DNAJC11: variants seen among roughly 807,000 people sequenced by gnomAD.
DNAJC11 encodes the protein dnaJ homolog subfamily C member 11.
A neutral mutation model predicts 78.6 loss-of-function variants in DNAJC11; 15 were observed. The ratio of observed to expected loss-of-function variants is 0.19; its 90% confidence interval spans 0.13 to 0.29. DNAJC11 has a LOEUF of 0.29. Ranked by LOEUF, DNAJC11 falls within the 10% of genes least tolerant of loss-of-function variation. DNAJC11 has a pLI of 1.00. For synonymous variants in DNAJC11, 292 were observed against 272.1 expected, an observed-to-expected ratio of 1.07 and a Z score of -0.72; for missense variants, 547 against 709.6, an observed-to-expected ratio of 0.77 and a Z score of 2.60.
intron 1 of DNAJC11, among the ~76,000 whole-genome samples, chr1:6,695,159 AAAAT>A (rs57818178): frequency 0.42 from 50,085 of 120,574 alleles, 9,804 homozygotes; most frequent in African/African-American, 0.54. Context: ...AAAAAAAAAA[AAAAT>A]TTTTTTTTTT....
intron 7 of DNAJC11, 79 bp downstream of exon 7, chr1:6,651,450 G>T: frequency 7.9e-7 from 1 of 1,271,264 alleles, no homozygotes; most frequent in Non-Finnish European, 1.1e-6. Flanking sequence ...GCCAACCACT[G>T]TGATAAAAAG....
intron 3 of DNAJC11, among the ~76,000 whole-genome samples, chr1:6,676,630 T>A (rs975408934): frequency 6.6e-6 from 1 of 151,948 alleles, no homozygotes; most frequent in African/African-American, 2.4e-5. Flanking sequence ...CAGTGAGCCA[T>A]GATGGCACCA....
At chr1:6,644,138 T>A (rs192143585) in intron 10 of DNAJC11, among the ~76,000 whole-genome samples, 1 of 151,954 alleles carries the variant, frequency 6.6e-6, no homozygotes, top group Non-Finnish European at 1.5e-5. Context: ...ATTTTTTTTT[T>A]TATATTTTTT....
chr1:6,699,602 T>C (rs552881782), intron 1 of DNAJC11, among the ~76,000 whole-genome samples: 21 of 152,136 alleles, frequency 1.4e-4, no homozygotes, highest in Non-Finnish European at 2.8e-4. Flanking sequence ...ACATCTTCAT[T>C]TAAAGGGAAA....
intron 1 of DNAJC11, among the ~76,000 whole-genome samples, chr1:6,683,830 A>T (rs1017153800): frequency 2.0e-5 from 3 of 152,196 alleles, no homozygotes; most frequent in Non-Finnish European, 2.9e-5. Flanking sequence ...ATAAAAATAC[A>T]AGGTTCTCTA....
intron 1 of DNAJC11, among the ~76,000 whole-genome samples, chr1:6,699,878 T>A (rs1217479595): frequency 6.6e-6 from 1 of 152,202 alleles, no homozygotes; most frequent in Non-Finnish European, 1.5e-5. Context: ...CACTGGACAT[T>A]CTCATAGTAC....
rs748264761 is a variant in DNAJC11, at chr1:6,634,784, C to T, written c.*891G>A. ...GCAGGAGCGGGGAGCTGCAGTGCCACCTGCTGGGTACCACGGGCCGGGCCT... is the reference window on the plus strand; with the variant it reads ...GCAGGAGCGGGGAGCTGCAGTGCCATCTGCTGGGTACCACGGGCCGGGCCT... On this transcript the variant is annotated 3_prime_UTR_variant, in exon 16 of 16. Coordinates refer to ENST00000377577, the MANE Select transcript of DNAJC11 (RefSeq NM_018198.4). 35 of 1,315,588 alleles carry T rather than the reference C, an allele frequency of 2.7e-5. 1 individual carries two copies. The Admixed American group carries it at 5.3e-4, about 20-fold the overall frequency. 81.5% of individuals were successfully genotyped at this position (1,315,588 alleles called of 1,614,324 possible).
chr1:6,635,477 G>A lies in DNAJC11; in HGVS notation c.*198C>T, dbSNP rs977865703. The A allele has an allele frequency of 6.9e-6, 4 of 580,478 alleles. No individual in the cohort carries two copies. The African/African-American group carries it at 7.5e-5, about 11-fold the overall frequency. 36.0% of individuals were successfully genotyped at this position (580,478 alleles called of 1,614,324 possible). A position where few individuals can be genotyped will look rare whatever the true frequency, so the allele number is the denominator to read the frequency against. ...CAGGCTGCAGTCTGGTTCCCAGTGG[G>A]GCTGCCTCAGTCCTACCCCCAGCAC... On this transcript the variant is annotated 3_prime_UTR_variant, in exon 16 of 16. Transcript: ENST00000377577.
At chr1:6,637,560 G>A (rs1340936097) in intron 12 of DNAJC11, 56 bp from the exon 13 acceptor site, 3 of 1,597,166 alleles carry the variant, frequency 1.9e-6, no homozygotes, top group Admixed American at 3.3e-5. Context: ...TTCCACCTCT[G>A]GTGAGAGGGC....
At chr1:6,690,078 G>A (rs1304719053) in intron 1 of DNAJC11, among the ~76,000 whole-genome samples, 1 of 152,146 alleles carries the variant, frequency 6.6e-6, no homozygotes, top group Non-Finnish European at 1.5e-5. Context: ...AGATGGAGGA[G>A]GAGTTTATTT....
At chr1:6,660,012 C>T (rs112952922) in intron 4 of DNAJC11, among the ~76,000 whole-genome samples, 156 of 145,898 alleles carry the variant, frequency 1.1e-3, no homozygotes, top group African/African-American at 3.7e-3. Context: ...GCCGAGATTG[C>T]GCCACTGCAC....
intron 3 of DNAJC11, among the ~76,000 whole-genome samples, chr1:6,676,216 G>A (rs1642460100): frequency 1.3e-5 from 2 of 152,094 alleles, no homozygotes; most frequent in South Asian, 4.1e-4. Context: ...GGAGTGGTGG[G>A]GACTGGGACA....
Position 6,680,971 on chromosome 1 carries a change from T to A in DNAJC11, c.139A>T (p.Arg47Ter). Residue 47 changes from arginine to a stop codon, truncating the protein, a stop_gained, in exon 2 of 16, where the codon AGA (arginine) becomes TGA (stop). Transcript: ENST00000377577. LOFTEE classifies it high-confidence loss of function. The surrounding 1 kb of genome is among the most constrained non-coding windows in gnomAD (Gnocchi z 4.0). Reference sequence around the variant, plus strand: ...GCCTGTGACTTGAGCTCTGGGTCTCTGTGCTTGTCTGGATGGTAGAGCATA... The same window carrying A: ...GCCTGTGACTTGAGCTCTGGGTCTCAGTGCTTGTCTGGATGGTAGAGCATA... ...LCMLYHPDKH[R>*]DPELKSQAER... 6.2e-7 allele frequency: 1 copy of A among 1,614,196 alleles called. No homozygotes were observed. Among genetic ancestry groups the A allele is most frequent in the Non-Finnish European group, 8.5e-7 (1 of 1,180,016 alleles).
chr1:6,646,500 C>A (rs1345609481), intron 7 of DNAJC11, among the ~76,000 whole-genome samples: 3 of 152,088 alleles, frequency 2.0e-5, no homozygotes, highest in Non-Finnish European at 4.4e-5. Context: ...AATCACTTAC[C>A]TAGAGGACAC....
chr1:6,644,635 C>T lies in DNAJC11; in HGVS notation c.1020G>A (p.Glu340=). Residue 340 remains glutamate, a synonymous_variant, in exon 10 of 16, where the codon GAG becomes GAA. Coordinates refer to ENST00000377577, the MANE Select transcript of DNAJC11 (RefSeq NM_018198.4). The part of the protein sequence containing the change: ...FFGTVVEYGA[E]RKISRHSVLG... The stretch of plus-strand genomic sequence containing the variant: ...AAACGCTGTGCCTGGAGATCTTCCT[C>T]TCAGCTCCGTACTCCACCACCGTCC... The T allele has an allele frequency of 6.2e-7, 1 of 1,614,226 alleles. No individual in the cohort carries two copies. Among genetic ancestry groups the T allele is most frequent in the Non-Finnish European group, 8.5e-7 (1 of 1,180,044 alleles).
At position 6,638,277 on chromosome 1, in the gene DNAJC11, C is replaced by A. The variant is rs201717591; in HGVS notation, c.1323+18G>T. On this transcript the variant is annotated intron_variant, in intron 12 of 15. Transcript: ENST00000377577. ...GTCCCCTACAGCCCTCGCTTGGGAA[C>A]GGTGGGGCAGCACTCACAGCGGACT... 7 of 1,609,352 alleles carry A rather than the reference C, an allele frequency of 4.3e-6. No homozygotes were observed. Among genetic ancestry groups the A allele is most frequent in the South Asian group, 2.2e-5 (2 of 90,686 alleles).
At position 6,634,758 on chromosome 1, in the gene DNAJC11, T is replaced by G; in HGVS notation, c.*917A>C. ...GGTGTTCCTGTGAGGACGCTGGACCTGCAGGAGCGGGGAGCTGCAGTGCCA... is the reference window on the plus strand; with the variant it reads ...GGTGTTCCTGTGAGGACGCTGGACCGGCAGGAGCGGGGAGCTGCAGTGCCA... On this transcript the variant is annotated 3_prime_UTR_variant, in exon 16 of 16. Transcript: ENST00000377577. 2 of 1,339,284 alleles carry G rather than the reference T, an allele frequency of 1.5e-6. No homozygotes were observed. The highest frequency in any genetic ancestry group is 2.0e-6 in the Non-Finnish European group (2 of 1,007,526). The allele number at this position is 1,339,284 out of a possible 1,614,324, so 83.0% of individuals were successfully genotyped here.
chr1:6,697,154 TGATA>T (rs1642850653), intron 1 of DNAJC11, among the ~76,000 whole-genome samples: 2 of 152,034 alleles, frequency 1.3e-5, no homozygotes, highest in East Asian at 3.9e-4. Flanking sequence ...GCCCAGTGAG[TGATA>T]AAGTACTCCC....
At chr1:6,654,153 T>G in intron 4 of DNAJC11, 114 bp from the exon 5 acceptor site, 1 of 1,364,846 alleles carries the variant, frequency 7.3e-7, no homozygotes, top group Non-Finnish European at 1.0e-6. Context: ...GACTTCAGGG[T>G]TCACTGGGTT....
Sources: gnomAD v4.1 joint callset for allele counts (sites outside exome capture counted in the v4.1 genomes callset) on GRCh38, gnomAD v4.1.1 for gene constraint, Gnocchi (gnomAD v3.1) non-coding constraint, MANE v1.5 for transcripts, NCBI Gene and HGNC (gene_info 2026-07-23, HGNC 2026-07-21) for gene names.